The following GRID1 variants were observed in gnomAD, a reference collection of about 807,000 sequenced individuals.
GRID1 encodes the protein glutamate ionotropic receptor delta type subunit 1, also known as glutamate receptor ionotropic, delta-1.
Under a neutral mutation model 98.0 loss-of-function variants are expected in GRID1, and 28 were observed. The observed-to-expected ratio is 0.29, with a 90% CI of 0.21 to 0.39. GRID1 has a LOEUF of 0.39. Ranked by LOEUF, GRID1 falls within the 10% of genes least tolerant of loss-of-function variation. The probability of loss-of-function intolerance (pLI) is 1.00; values close to 1 mark genes in which losing one functional copy is unlikely to be tolerated. For missense variants in GRID1, 1,111 were observed against 1,340.5 expected, an observed-to-expected ratio of 0.83 and a Z score of 2.67; for synonymous variants, 553 against 538.5, an observed-to-expected ratio of 1.03 and a Z score of -0.37.
At chr10:85,826,314 G>T (rs575598047) in intron 8 of GRID1, among the ~76,000 whole-genome samples, 6 of 152,178 alleles carry the variant, frequency 3.9e-5, no homozygotes, top group Non-Finnish European at 7.3e-5. Context: ...CAGCCTGGGC[G>T]ACAGAGCGAG....
chr10:86,026,934 A>G (rs2131890344), intron 4 of GRID1, among the ~76,000 whole-genome samples: 1 of 152,308 alleles, frequency 6.6e-6, no homozygotes, highest in Non-Finnish European at 1.5e-5. Context: ...CACCACTCTC[A>G]CAGCTGCGTG....
At chr10:86,194,617 T>C (rs1312496838) in intron 3 of GRID1, among the ~76,000 whole-genome samples, 1 of 152,132 alleles carries the variant, frequency 6.6e-6, no homozygotes, top group Non-Finnish European at 1.5e-5. Context: ...CAAGAGTATA[T>C]TCATTTTGTG....
At chr10:86,337,371 GAGTCTGT>G (rs1250667826) in intron 2 of GRID1, among the ~76,000 whole-genome samples, 4 of 152,284 alleles carry the variant, frequency 2.6e-5, no homozygotes, top group African/African-American at 9.6e-5. Context: ...GTGCGCTCAG[GAGTCTGT>G]AGCCCGGGCC....
At chr10:85,683,472 C>G (rs1841233944) in intron 12 of GRID1, among the ~76,000 whole-genome samples, 1 of 152,200 alleles carries the variant, frequency 6.6e-6, no homozygotes. Flanking sequence ...ATAGGCAATG[C>G]CTTGAGGACT....
intron 3 of GRID1, among the ~76,000 whole-genome samples, chr10:86,160,803 C>CAGGG (rs1845310921): frequency 6.6e-6 from 1 of 152,224 alleles, no homozygotes; most frequent in African/African-American, 2.4e-5. Flanking sequence ...GTGACTTGCT[C>CAGGG]AGGGTCACAC....
intron 7 of GRID1, among the ~76,000 whole-genome samples, chr10:85,855,202 A>G (rs1180762919): frequency 6.6e-6 from 1 of 152,224 alleles, no homozygotes; most frequent in East Asian, 1.9e-4. Context: ...AGACTAAAGG[A>G]GAAAATATGT....
chr10:86,305,898 T>G (rs535596671), intron 2 of GRID1, among the ~76,000 whole-genome samples: 1 of 152,330 alleles, frequency 6.6e-6, no homozygotes, highest in African/African-American at 2.4e-5. Flanking sequence ...CTTAAGGAGT[T>G]AAGACACAAG....
chr10:85,647,123 G>A (rs1238269672), intron 13 of GRID1, 79 bp downstream of exon 13: 1 of 1,104,092 alleles, frequency 9.1e-7, no homozygotes, highest in African/African-American at 1.5e-5. Flanking sequence ...AGATGCCCCT[G>A]GAGGTGTCTC....
chr10:85,620,126 C>G, intron 13 of GRID1, 93 bp from the exon 14 acceptor site: 1 of 1,043,548 alleles, frequency 9.6e-7, no homozygotes, highest in African/African-American at 1.6e-5. Context: ...ATTTGAGGGA[C>G]CCATCCTCAA....
intron 4 of GRID1, among the ~76,000 whole-genome samples, chr10:86,054,993 T>C (rs1003381151): frequency 4.6e-5 from 7 of 152,170 alleles, no homozygotes; most frequent in African/African-American, 1.7e-4. Flanking sequence ...ATCTTGCCAT[T>C]TCCATGAGAA....
rs1397581344 is a variant in GRID1, at chr10:85,865,974, G to T, written c.951+3036C>A. Reference sequence around the variant, plus strand: ...ATATATGGAGAGAGAGAGAGAGAGAGAGAGAGAGAGAGAGAGAGAGAGAGG... The same window carrying T: ...ATATATGGAGAGAGAGAGAGAGAGATAGAGAGAGAGAGAGAGAGAGAGAGG... On this transcript the variant is annotated intron_variant, in intron 6 of 15. Transcript: ENST00000327946. Among the ~76,000 whole-genome samples, 44 of 121,196 alleles carry T rather than the reference G, an allele frequency of 3.6e-4. 2 individuals are homozygous for T. Among genetic ancestry groups the T allele is most frequent in the African/African-American group, 1.3e-3 (43 of 34,276 alleles). 79.5% of individuals were successfully genotyped at this position (121,196 alleles called of 152,430 possible). A position where few individuals can be genotyped will look rare whatever the true frequency, so the allele number is the denominator to read the frequency against.
intron 12 of GRID1, among the ~76,000 whole-genome samples, chr10:85,719,742 T>C (rs985205600): frequency 1.3e-5 from 2 of 151,918 alleles, no homozygotes; most frequent in African/African-American, 2.4e-5. Flanking sequence ...TCAGTATCCA[T>C]AGACTGAAAA....
rs181436943 is a variant in GRID1, at chr10:85,948,176, T to G, written c.727-31937A>C. Among the ~76,000 whole-genome samples, 107 of 152,368 alleles carry G rather than the reference T, an allele frequency of 7.0e-4. 1 individual carries two copies. Among genetic ancestry groups the G allele is most frequent in the African/African-American group, 2.1e-3 (88 of 41,586 alleles). On this transcript the variant is annotated intron_variant, in intron 4 of 15. Coordinates refer to ENST00000327946, the MANE Select transcript of GRID1 (RefSeq NM_017551.3). The stretch of plus-strand genomic sequence containing the variant: ...ACAAATGTACCATGGCAATGTAGGA[T>G]TTGATTAGATGAGATAATCAACATC...
intron 4 of GRID1, among the ~76,000 whole-genome samples, chr10:86,085,267 G>A (rs1034443348): frequency 1.3e-5 from 2 of 152,186 alleles, no homozygotes; most frequent in South Asian, 2.1e-4. Context: ...CTGGGCTTTC[G>A]GGGCTCAGCC....
chr10:86,156,429 T>G (rs1463806715), intron 3 of GRID1, among the ~76,000 whole-genome samples: 1 of 152,130 alleles, frequency 6.6e-6, no homozygotes, highest in Non-Finnish European at 1.5e-5. Flanking sequence ...AGAAGAGGGA[T>G]GGCGCTCTAG....
At chr10:85,775,465 C>G (rs1041502784) in intron 8 of GRID1, among the ~76,000 whole-genome samples, 7 of 151,582 alleles carry the variant, frequency 4.6e-5, no homozygotes, top group Non-Finnish European at 8.8e-5. Context: ...ACCCTAAAAT[C>G]TTAAAGTATA....
At chr10:86,123,351 G>A (rs1844705792) in intron 4 of GRID1, among the ~76,000 whole-genome samples, 2 of 152,172 alleles carry the variant, frequency 1.3e-5, no homozygotes, top group Admixed American at 1.3e-4. Flanking sequence ...GATGTGGTGT[G>A]GGATGTCCCA....
At chr10:85,681,044 G>A (rs544334181) in intron 12 of GRID1, among the ~76,000 whole-genome samples, 38 of 152,272 alleles carry the variant, frequency 2.5e-4, no homozygotes, top group Non-Finnish European at 4.9e-4. Flanking sequence ...TTCTATTTGG[G>A]TGATGACTAC....
At chr10:86,071,984 G>A (rs928564094) in intron 4 of GRID1, among the ~76,000 whole-genome samples, 5 of 152,156 alleles carry the variant, frequency 3.3e-5, no homozygotes, top group African/African-American at 1.2e-4. Flanking sequence ...CCAAGAGAGG[G>A]GAGAAGGGGC....
Sources: allele counts gnomAD v4.1 joint callset (sites outside exome capture counted in the v4.1 genomes callset), GRCh38; gene constraint gnomAD v4.1.1; transcripts MANE v1.5; gene names NCBI Gene and HGNC (gene_info 2026-07-23, HGNC 2026-07-21).